Variants in MAN2B1 observed in about 807,000 individuals in gnomAD.
MAN2B1 encodes lysosomal alpha-mannosidase.
Under a neutral mutation model 127.5 loss-of-function variants are expected in MAN2B1, and 99 were observed. That is an observed-to-expected ratio of 0.78 (90% confidence interval 0.66 to 0.92). MAN2B1 has a LOEUF of 0.92. Among genes scored for constraint, MAN2B1 ranks in the 40% least tolerant of loss-of-function variants. The pLI, the probability that MAN2B1 is intolerant of heterozygous loss-of-function variation, is 0.00. For synonymous variants in MAN2B1, 573 were observed against 568.8 expected, an observed-to-expected ratio of 1.01 and a Z score of -0.11; for missense variants, 1,304 against 1,384.8, an observed-to-expected ratio of 0.94 and a Z score of 0.93.
intron 6 of MAN2B1, among the ~76,000 whole-genome samples, 160 bp downstream of exon 6, chr19:12,663,157 T>A (rs1412244433): frequency 2.0e-5 from 3 of 151,806 alleles, no homozygotes; most frequent in Non-Finnish European, 4.4e-5. Flanking sequence ...GAGGTTGCAG[T>A]GAGCCGAGAT....
At chr19:12,656,778 A>AG in intron 12 of MAN2B1, 91 bp from the exon 13 acceptor site, 1 of 1,139,932 alleles carries the variant, frequency 8.8e-7, no homozygotes, top group Non-Finnish European at 1.3e-6. Context: ...GGCTGGTCCT[A>AG]GTGTGGTCAC....
chr19:12,660,186 T>C (rs1244965797), intron 7 of MAN2B1, among the ~76,000 whole-genome samples: 1 of 152,136 alleles, frequency 6.6e-6, no homozygotes, highest in African/African-American at 2.4e-5. Context: ...GCAGATGGAA[T>C]TGAGGTTGTT....
intron 14 of MAN2B1, 65 bp downstream of exon 14, chr19:12,655,629 A>C: frequency 1.3e-6 from 2 of 1,532,760 alleles, no homozygotes; most frequent in Non-Finnish European, 1.8e-6. Flanking sequence ...CAGAGTCCAC[A>C]CAGCTCACCA....
chr19:12,657,414 C>A (rs889829226), intron 11 of MAN2B1, 32 bp downstream of exon 11: 1 of 1,528,364 alleles, frequency 6.5e-7, no homozygotes, highest in Non-Finnish European at 8.9e-7. Context: ...CCTGTCTCCA[C>A]CCCCGTGTCT....
rs1368351754 is a variant in MAN2B1 at position 12,665,545 on chromosome 19, G to A, written c.263-20C>T. ...TCTTGACTGTGGATAACAGGGATAA[G>A]GCTCTCAGGGAACAGCAGAGCCAAG... is the stretch of plus-strand genomic sequence containing the variant. On this transcript the variant is annotated intron_variant, in intron 2 of 23. Transcript: ENST00000456935. 6.2e-7 allele frequency: 1 copy of A among 1,614,058 alleles called. No individual in the cohort carries two copies. The highest frequency in any genetic ancestry group is 8.5e-7 in the Non-Finnish European group (1 of 1,179,968).
chr19:12,661,817 G>A (rs1285624291), intron 6 of MAN2B1, among the ~76,000 whole-genome samples: 1 of 146,732 alleles, frequency 6.8e-6, no homozygotes, highest in Non-Finnish European at 1.5e-5. Context: ...GCAAGACCCT[G>A]TCTCAAGAAA....
At chr19:12,665,279 T>G (rs2024203325) in intron 3 of MAN2B1, 73 bp downstream of exon 3, 1 of 1,570,258 alleles carries the variant, frequency 6.4e-7, no homozygotes, top group African/African-American at 1.3e-5. Context: ...GCATGACAAA[T>G]CTCAGAAACC....
At chr19:12,650,389 C>T (rs1173990156) in intron 16 of MAN2B1, among the ~76,000 whole-genome samples, 167 bp from the exon 17 acceptor site, 12 of 146,852 alleles carry the variant, frequency 8.2e-5, no homozygotes, top group Admixed American at 2.7e-4. Flanking sequence ...GACGGAGTCT[C>T]GCTCTTTTGC....
chr19:12,664,689 G>T, intron 4 of MAN2B1, 103 bp downstream of exon 4: 2 of 1,242,426 alleles, frequency 1.6e-6, no homozygotes, highest in Non-Finnish European at 2.3e-6. Flanking sequence ...CTAGGCCTGG[G>T]CCTGGTCCTT....
In MAN2B1 at chr19:12,665,335, C is replaced by T; in HGVS notation, c.436+17G>A. On this transcript the variant is annotated intron_variant, in intron 3 of 23. Transcript: ENST00000456935. ...TGGGCTGGGCTTCCTCTTTTCACTT[C>T]CTTGGGGTAGGCTCACCCTGGCGCA... 4.4e-6 allele frequency: 7 copies of T among 1,601,938 alleles called. No individual in the cohort carries two copies. Among genetic ancestry groups the T allele is most frequent in the Non-Finnish European group, 5.9e-6 (7 of 1,179,924 alleles).
chr19:12,649,208 G>A lies in MAN2B1; in HGVS notation c.2364C>T (p.Asn788=). ...GGTCAGTCAGCACAGTCAGCTGCAT[G>A]TTTCCATCCTGGGAGTTGAAGGGTG... The part of the protein sequence containing the change: ...VNTRIYITDG[N]MQLTVLTDRS... Residue 788 remains asparagine, a synonymous_variant, in exon 20 of 24, where the codon AAC becomes AAT. Transcript: ENST00000456935. The A allele has an allele frequency of 6.2e-7, 1 of 1,613,586 alleles. No individual in the cohort carries two copies. The highest frequency in any genetic ancestry group is 8.5e-7 in the Non-Finnish European group (1 of 1,179,968).
Position 12,658,113 on chromosome 19 carries a change from C to A in MAN2B1, c.1259G>T (p.Gly420Val), listed in dbSNP as rs772853856. The A allele has an allele frequency of 6.8e-6, 11 of 1,613,386 alleles. No homozygotes were observed. The Admixed American group carries it at 8.3e-5, about 12-fold the overall frequency. The change falls in exon 10 of 24, where the codon GGC becomes GTC. Residue 420 changes from glycine to valine, a missense_variant. Transcript: ENST00000456935. ...QVCNQLEALV[G>V]LAANVGPYGS... is the part of the protein sequence containing the mutation. Reference sequence around the variant, plus strand: ...ATAGGGTCCCACGTTGGCCGCCAGGCCCACCAGCGCCTCCAGCTGGTTGCA... The same window carrying A: ...ATAGGGTCCCACGTTGGCCGCCAGGACCACCAGCGCCTCCAGCTGGTTGCA...
At chr19:12,663,240 T>C in intron 6 of MAN2B1, 77 bp downstream of exon 6, 1 of 1,548,522 alleles carries the variant, frequency 6.5e-7, no homozygotes, top group Non-Finnish European at 8.9e-7. Flanking sequence ...GAGAACGTGT[T>C]AGGGGATGCC....
chr19:12,661,332 C>G lies in MAN2B1; in HGVS notation c.954G>C (p.Ser318=). Residue 318 remains serine (S), a synonymous_variant, in exon 7 of 24, where the codon TCG becomes TCC. Coordinates refer to ENST00000456935, the MANE Select transcript of MAN2B1 (RefSeq NM_000528.4). ...RTNHTVMTMG[S]DFQYENANMW... ...TGTTGGCATTCTCATATTGGAAGTC[C>G]GAGCCCATGGTCATCACAGTGTGGT... 1.2e-6 allele frequency: 2 copies of G among 1,614,000 alleles called. No individual in the cohort carries two copies. The highest frequency in any genetic ancestry group is 8.5e-7 in the Non-Finnish European group (1 of 1,179,888).
At chr19:12,663,017 G>C (rs1232594172) in intron 6 of MAN2B1, among the ~76,000 whole-genome samples, 4 of 151,718 alleles carry the variant, frequency 2.6e-5, no homozygotes, top group Admixed American at 6.6e-5. Flanking sequence ...TGTAATCCCG[G>C]CACTTTGGGA....
chr19:12,646,841 G>C, intron 23 of MAN2B1, 109 bp from the exon 24 acceptor site: 1 of 782,670 alleles, frequency 1.3e-6, no homozygotes, highest in South Asian at 1.6e-5. Flanking sequence ...CCCCGAATCT[G>C]TCTCCAGGGC....
intron 6 of MAN2B1, among the ~76,000 whole-genome samples, chr19:12,662,172 A>AT (rs1353670321): frequency 1.3e-5 from 2 of 151,960 alleles, no homozygotes; most frequent in African/African-American, 2.4e-5. Context: ...GGAAAAAAAA[A>AT]TTTTTTTAAG....
At chr19:12,657,773 G>A (rs1404476148) in intron 10 of MAN2B1, 3 of 612,494 alleles carry the variant, frequency 4.9e-6, no homozygotes, top group Non-Finnish European at 8.7e-6. Context: ...GGCTAACATG[G>A]TGAAACCCCG....
chr19:12,656,445 A>C, intron 13 of MAN2B1, 126 bp downstream of exon 13: 1 of 724,528 alleles, frequency 1.4e-6, no homozygotes, highest in South Asian at 1.5e-5. Context: ...AGAAGATACA[A>C]GAGGGGGGAA....
Sources: allele counts gnomAD v4.1 joint callset (sites outside exome capture counted in the v4.1 genomes callset), GRCh38; gene constraint gnomAD v4.1.1; transcripts MANE v1.5; gene names NCBI Gene and HGNC (gene_info 2026-07-23, HGNC 2026-07-21).